USP47: variants seen among roughly 807,000 people sequenced by gnomAD.
The protein encoded by USP47 is ubiquitin specific peptidase 47.
Under a neutral mutation model 165.1 loss-of-function variants are expected in USP47, and 35 were observed. The observed-to-expected ratio is 0.21, with a 90% CI of 0.16 to 0.28. The LOEUF is 0.28. Ranked by LOEUF, USP47 falls within the 10% of genes least tolerant of loss-of-function variation. USP47 has a pLI of 1.00. For missense variants in USP47, 1,277 were observed against 1,607.4 expected (o/e 0.79, Z 3.52); for synonymous variants, 531 against 544.5 (o/e 0.98, Z 0.35).
intron 1 of USP47, among the ~76,000 whole-genome samples, chr11:11,876,665 G>A (rs1850438876): frequency 6.6e-6 from 1 of 152,190 alleles, no homozygotes; most frequent in Admixed American, 6.5e-5. Flanking sequence ...AGGCACCTCA[G>A]TGTCTCCACC....
intron 1 of USP47, among the ~76,000 whole-genome samples, chr11:11,843,177 A>G (rs1848236980): frequency 6.6e-6 from 1 of 152,234 alleles, no homozygotes; most frequent in Non-Finnish European, 1.5e-5. Flanking sequence ...ATGAGTGATC[A>G]TTACAGATTC....
At chr11:11,845,294 C>G (rs145219707) in intron 1 of USP47, among the ~76,000 whole-genome samples, 2 of 152,134 alleles carry the variant, frequency 1.3e-5, no homozygotes, top group Non-Finnish European at 2.9e-5. Context: ...ACAGGTTTCT[C>G]TCTAACTTGC....
rs1179860193 is a variant in USP47, at chr11:11,958,751, G to C, written c.*2576G>C. On this transcript the variant is annotated 3_prime_UTR_variant, in exon 28 of 28. Transcript: ENST00000527733. The stretch of plus-strand genomic sequence containing the variant: ...GTGCATTCTGGCCAAAGAAACAAAA[G>C]CTGTGGTTTCAGGACCATGCCGTGT... The C allele has an allele frequency of 1.3e-5, 2 of 152,276 alleles. No homozygotes were observed. Among genetic ancestry groups the C allele is most frequent in the African/African-American group, 4.8e-5 (2 of 41,448 alleles). 9.4% of individuals were successfully genotyped at this position (152,276 alleles called of 1,614,324 possible). A position where few individuals can be genotyped will look rare whatever the true frequency, so the allele number is the denominator to read the frequency against.
chr11:11,924,863 G>A (rs1854118477), intron 11 of USP47, among the ~76,000 whole-genome samples: 1 of 151,942 alleles, frequency 6.6e-6, no homozygotes, highest in Admixed American at 6.6e-5. Flanking sequence ...ATCTCGGTTA[G>A]CCTAATTAGA....
intron 5 of USP47, 132 bp downstream of exon 5, chr11:11,897,825 C>G (rs1266665990): frequency 1.7e-6 from 1 of 590,772 alleles, no homozygotes; most frequent in African/African-American, 1.9e-5. Context: ...AACTTCTTTC[C>G]TTACGTAATA....
At chr11:11,945,931 TC>T (rs371273611) in intron 20 of USP47, among the ~76,000 whole-genome samples, 7 of 120,374 alleles carry the variant, frequency 5.8e-5, no homozygotes, top group South Asian at 2.6e-4. Flanking sequence ...CGAGACCCTG[TC>T]CCCCCCCCAA....
At chr11:11,900,780 G>A (rs986955087) in intron 5 of USP47, among the ~76,000 whole-genome samples, 1 of 152,136 alleles carries the variant, frequency 6.6e-6, no homozygotes, top group Non-Finnish European at 1.5e-5. Context: ...TAAAGTAATG[G>A]CAAGTACCAG....
intron 8 of USP47, among the ~76,000 whole-genome samples, chr11:11,910,562 T>G (rs1214863506): frequency 6.6e-6 from 1 of 152,014 alleles, no homozygotes; most frequent in Non-Finnish European, 1.5e-5. Context: ...GAGCCCCTCC[T>G]GCTTGTGTCA....
chr11:11,912,620 A>C (rs1407600792), intron 8 of USP47, among the ~76,000 whole-genome samples: 2 of 151,890 alleles, frequency 1.3e-5, no homozygotes, highest in African/African-American at 4.8e-5. Context: ...AGTGAACACC[A>C]GGTCTGTACA....
chr11:11,889,558 A>T (rs1057146994), intron 3 of USP47, among the ~76,000 whole-genome samples: 1 of 152,194 alleles, frequency 6.6e-6, no homozygotes, highest in Non-Finnish European at 1.5e-5. Flanking sequence ...ATCAGAGAAG[A>T]TACAAACAAA....
At chr11:11,931,410 A>G (rs1388937742) in intron 14 of USP47, among the ~76,000 whole-genome samples, 1 of 152,190 alleles carries the variant, frequency 6.6e-6, no homozygotes, top group Non-Finnish European at 1.5e-5. Context: ...CTATGGAATT[A>G]TTGAAAAAAT....
At chr11:11,890,174 A>G (rs530195006) in intron 3 of USP47, among the ~76,000 whole-genome samples, 1 of 152,216 alleles carries the variant, frequency 6.6e-6, no homozygotes, top group African/African-American at 2.4e-5. Flanking sequence ...TCCAAAAGCA[A>G]TTGCAACAAA....
At chr11:11,902,600 A>G in intron 5 of USP47, 115 bp from the exon 6 acceptor site, 1 of 744,946 alleles carries the variant, frequency 1.3e-6, no homozygotes. Flanking sequence ...TTAGCATTCA[A>G]ACTCTGTATA....
Position 11,961,736 on chromosome 11 carries a change from C to G in USP47, c.*5561C>G, listed in dbSNP as rs1212860237. On this transcript the variant is annotated 3_prime_UTR_variant, in exon 28 of 28. Transcript: ENST00000527733. ...TCTGGGAGCCCTCCCCTTACATTTC[C>G]TGGGTCATGGGGCCAGCCCTAGCTG... 1.3e-5 allele frequency among the ~76,000 whole-genome samples: 2 copies of G among 152,242 alleles called. No homozygotes were observed. The highest frequency in any genetic ancestry group is 1.3e-4 in the Admixed American group (2 of 15,292).
At chr11:11,879,840 T>C (rs1850715451) in intron 1 of USP47, among the ~76,000 whole-genome samples, 1 of 152,182 alleles carries the variant, frequency 6.6e-6, no homozygotes, top group Admixed American at 6.5e-5. Context: ...GATCAGATTT[T>C]ATAATTTTTA....
At chr11:11,890,633 C>G (rs1851452454) in intron 3 of USP47, among the ~76,000 whole-genome samples, 1 of 152,070 alleles carries the variant, frequency 6.6e-6, no homozygotes, top group Non-Finnish European at 1.5e-5. Context: ...GCAGAAATAC[C>G]ATTTGACCCA....
rs1219354476 is a variant in USP47 at position 11,842,064 on chromosome 11, C to T, written c.-122C>T. On this transcript the variant is annotated 5_prime_UTR_variant, in exon 1 of 28. Transcript: ENST00000527733. ...TCTGAGGCCCAGGCTGAGGCCTCCG[C>T]TATTGCTGGAGCGCAGGCGGCGGAG... is the stretch of plus-strand genomic sequence containing the variant. 3 of 1,279,032 alleles carry T rather than the reference C, an allele frequency of 2.3e-6. No individual in the cohort carries two copies. Among genetic ancestry groups the T allele is most frequent in the African/African-American group, 3.0e-5 (2 of 66,852 alleles). The allele number at this position is 1,279,032 out of a possible 1,614,324, so 79.2% of individuals were successfully genotyped here. A position where few individuals can be genotyped will look rare whatever the true frequency, so the allele number is the denominator to read the frequency against.
At chr11:11,854,599 C>T (rs538547826) in intron 1 of USP47, among the ~76,000 whole-genome samples, 5 of 147,286 alleles carry the variant, frequency 3.4e-5, no homozygotes, top group Admixed American at 6.8e-5. Flanking sequence ...ATGTGCTGTA[C>T]ATTGTTGTTA....
chr11:11,851,940 ATACGTAC>A (rs1235575700), intron 1 of USP47, among the ~76,000 whole-genome samples: 3 of 152,190 alleles, frequency 2.0e-5, no homozygotes, highest in South Asian at 2.1e-4. Flanking sequence ...CATGATGCTG[ATACGTAC>A]TACTGGTGAT....
Sources: allele counts gnomAD v4.1 joint callset (sites outside exome capture counted in the v4.1 genomes callset), GRCh38; gene constraint gnomAD v4.1.1; transcripts MANE v1.5; gene names NCBI Gene and HGNC (gene_info 2026-07-23, HGNC 2026-07-21).